The following CAPZA1 variants were observed in gnomAD, a reference collection of about 807,000 sequenced individuals.
CAPZA1 encodes the protein F-actin-capping protein subunit alpha-1.
CAPZA1 carries 10 observed loss-of-function variants against 40.8 expected under a neutral mutation model. The observed-to-expected ratio is 0.25, with a 90% confidence interval of 0.15 to 0.42. The LOEUF is 0.42. Ranked by LOEUF, CAPZA1 falls within the 10% of genes least tolerant of loss-of-function variation. The pLI is 1.00. For missense variants in CAPZA1, 277 were observed against 353.8 expected, an observed-to-expected ratio of 0.78 and a Z score of 1.74; for synonymous variants, 98 against 115.0, an observed-to-expected ratio of 0.85 and a Z score of 0.95.
At chr1:112,649,376 A>G (rs1319204713) in intron 2 of CAPZA1, 42 bp from the exon 3 acceptor site, 5 of 1,502,140 alleles carry the variant, frequency 3.3e-6, no homozygotes, top group East Asian at 2.3e-5. Context: ...AAATTTCTCA[A>G]ATTTATCCTC....
intron 1 of CAPZA1, among the ~76,000 whole-genome samples, chr1:112,624,487 A>G (rs1256816730): frequency 6.6e-6 from 1 of 151,700 alleles, no homozygotes; most frequent in Non-Finnish European, 1.5e-5. Flanking sequence ...GCATGTCTGT[A>G]ATCCCAGCTA....
chr1:112,632,293 TCAAAA>T (rs1474143257), intron 1 of CAPZA1, among the ~76,000 whole-genome samples: 1 of 151,816 alleles, frequency 6.6e-6, no homozygotes, highest in Non-Finnish European at 1.5e-5. Flanking sequence ...GGGTGACATC[TCAAAA>T]CAAACCAAAG....
chr1:112,657,543 A>G (rs1041194140), intron 5 of CAPZA1, among the ~76,000 whole-genome samples: 3 of 151,830 alleles, frequency 2.0e-5, no homozygotes, highest in African/African-American at 4.8e-5. Context: ...AAGCCAATCA[A>G]CCACTTCTAG....
At chr1:112,658,957 A>G in intron 5 of CAPZA1, 65 bp from the exon 6 acceptor site, 1 of 1,167,282 alleles carries the variant, frequency 8.6e-7, no homozygotes, top group Non-Finnish European at 1.3e-6. Context: ...CTGCTTTTGT[A>G]CAATGCATGT....
At chr1:112,632,662 T>A (rs1171673690) in intron 1 of CAPZA1, among the ~76,000 whole-genome samples, 1 of 152,212 alleles carries the variant, frequency 6.6e-6, no homozygotes, top group Non-Finnish European at 1.5e-5. Context: ...GAGATGTACA[T>A]AATTGCTTTA....
At chr1:112,626,282 A>T (rs1670805151) in intron 1 of CAPZA1, 1 of 152,052 alleles carries the variant, frequency 6.6e-6, no homozygotes, top group South Asian at 2.1e-4. Context: ...GGTATATAGG[A>T]ACTATAATAA....
In CAPZA1 at chr1:112,649,527, G is replaced by A. The variant is rs1671345370; in HGVS notation, c.155+58G>A. On this transcript the variant is annotated intron_variant, in intron 3 of 9. Transcript: ENST00000263168. The stretch of plus-strand genomic sequence containing the variant: ...ACTCTAACATTGGATAAACTATGTT[G>A]ACAGTAAACTAGCACCCTGAAAACA... The A allele has an allele frequency of 1.4e-5, 18 of 1,318,350 alleles. No individual in the cohort carries two copies. In the South Asian group the frequency reaches 2.0e-4, roughly 15 times the overall value. 81.7% of individuals were successfully genotyped at this position (1,318,350 alleles called of 1,614,324 possible).
At position 112,659,048 on chromosome 1, in the gene CAPZA1, A is replaced by G. The variant is rs758288398; in HGVS notation, c.453A>G (p.Gln151=). ...CTVYAKTIDG[Q]QTIIACIESH... is the part of the protein sequence containing the mutation. The stretch of plus-strand genomic sequence containing the variant: ...TTTATGCTAAAACTATCGATGGGCA[A>G]CAGACTATTATTGCATGTATTGAAA... The change falls in exon 6 of 10, where the codon CAA becomes CAG. Residue 151 remains glutamine, a synonymous_variant. Coordinates refer to ENST00000263168, the MANE Select transcript of CAPZA1 (RefSeq NM_006135.3). The G allele has an allele frequency of 3.7e-6, 6 of 1,613,694 alleles. No individual in the cohort carries two copies. The Admixed American group carries it at 5.0e-5, about 13-fold the overall frequency.
At chr1:112,657,800 C>T (rs922902940) in intron 5 of CAPZA1, among the ~76,000 whole-genome samples, 8 of 152,094 alleles carry the variant, frequency 5.3e-5, no homozygotes, top group African/African-American at 1.7e-4. Context: ...CCATGTTGGC[C>T]GGGCTGGTCT....
intron 5 of CAPZA1, among the ~76,000 whole-genome samples, chr1:112,657,507 T>C (rs1442179861): frequency 6.6e-6 from 1 of 152,238 alleles, no homozygotes; most frequent in Non-Finnish European, 1.5e-5. Context: ...TCCTTGTCCA[T>C]GACTTCCGAA....
intron 2 of CAPZA1, among the ~76,000 whole-genome samples, chr1:112,648,647 T>C (rs1277014998): frequency 6.6e-6 from 1 of 151,768 alleles, no homozygotes; most frequent in African/African-American, 2.4e-5. Flanking sequence ...AAAATTCTTC[T>C]TGAACTTTAG....
At chr1:112,645,625 C>T (rs1224873478) in intron 1 of CAPZA1, among the ~76,000 whole-genome samples, 1 of 151,652 alleles carries the variant, frequency 6.6e-6, no homozygotes, top group African/African-American at 2.4e-5. Flanking sequence ...CCAAGTGAGA[C>T]CCTGTCTCTG....
chr1:112,629,273 T>G (rs1386849104), intron 1 of CAPZA1, among the ~76,000 whole-genome samples: 1 of 152,248 alleles, frequency 6.6e-6, no homozygotes, highest in Non-Finnish European at 1.5e-5. Context: ...ATCCCTCATT[T>G]CAGATACTTA....
At chr1:112,641,971 A>T (rs544066181) in intron 1 of CAPZA1, among the ~76,000 whole-genome samples, 20 of 145,962 alleles carry the variant, frequency 1.4e-4, no homozygotes, top group Middle Eastern at 7.1e-3. Context: ...TAACATAGTT[A>T]TTTGTTGTTT....
Position 112,660,838 on chromosome 1 carries a change from CTTTTTTTTTTTT to C in CAPZA1, c.585+1073_585+1084del, listed in dbSNP as rs67876993. On this transcript the variant is annotated intron_variant, in intron 7 of 9. Coordinates refer to ENST00000263168, the MANE Select transcript of CAPZA1 (RefSeq NM_006135.3). ...TTTAACAACAATTACCAAGAGTTGT[CTTTTTTTTTTTT>C]TTTTTTTTTTTTTGAGAAGGAGGAG... Among the ~76,000 whole-genome samples, 179 of 66,018 alleles carry C rather than the reference CTTTTTTTTTTTT, an allele frequency of 2.7e-3. 5 individuals are homozygous for C. Among genetic ancestry groups the C allele is most frequent in the Non-Finnish European group, 8.0e-4 (29 of 36,432 alleles). 43.3% of individuals were successfully genotyped at this position (66,018 alleles called of 152,430 possible).
At chr1:112,665,908 A>G (rs112778557) in intron 7 of CAPZA1, among the ~76,000 whole-genome samples, 4,844 of 152,318 alleles carry the variant, frequency 0.032, 133 homozygotes, top group African/African-American at 0.072. Context: ...TATGTCTCCA[A>G]TAGCAGCTCC....
In CAPZA1 at chr1:112,638,382, T is replaced by G. The variant is rs1302809673; in HGVS notation, c.40-8828T>G. Among the ~76,000 whole-genome samples the G allele has an allele frequency of 2.0e-5, 3 of 152,240 alleles. No individual in the cohort carries two copies. In the East Asian group the frequency reaches 5.8e-4, roughly 30 times the overall value. ...AAGGCTGGAGTGCAGTGGCACTGTG[T>G]TGGCTCACTGCAACCTCCGTCTCCT... On this transcript the variant is annotated intron_variant, in intron 1 of 9. Coordinates refer to ENST00000263168, the MANE Select transcript of CAPZA1 (RefSeq NM_006135.3).
chr1:112,648,020 A>G (rs1016789599), intron 2 of CAPZA1, among the ~76,000 whole-genome samples: 1 of 152,214 alleles, frequency 6.6e-6, no homozygotes, highest in East Asian at 1.9e-4. Flanking sequence ...TTTAGCAAAC[A>G]TTTATTTTGA....
intron 7 of CAPZA1, among the ~76,000 whole-genome samples, chr1:112,662,395 C>CTTTTTTTTTTTTTTTTTTTT: frequency 1.0e-5 from 1 of 97,260 alleles, no homozygotes; most frequent in Non-Finnish European, 1.9e-5. Flanking sequence ...TAGAATTTTT[C>CTTTTTTTTTTTTTTTTTTTT]TTTTTTTTTT....
Sources: gnomAD v4.1 joint callset for allele counts (sites outside exome capture counted in the v4.1 genomes callset) on GRCh38, gnomAD v4.1.1 for gene constraint, MANE v1.5 for transcripts, NCBI Gene and HGNC (gene_info 2026-07-23, HGNC 2026-07-21) for gene names.